Variants in CHST9 observed in about 807,000 individuals in gnomAD.
CHST9 encodes the protein GalNAc-4-sulfotransferase 2.
Under a neutral mutation model 44.4 loss-of-function variants are expected in CHST9, and 41 were observed. The ratio of observed to expected loss-of-function variants is 0.92; its 90% confidence interval spans 0.72 to 1.20. CHST9 has a LOEUF of 1.20. CHST9 is among the 50% of genes most tolerant of loss of function. The pLI, the probability that CHST9 is intolerant of heterozygous loss-of-function variation, is 0.00. For missense variants in CHST9, 504 were observed against 516.5 expected (o/e 0.98, Z 0.23); for synonymous variants, 171 against 178.4 (o/e 0.96, Z 0.33).
At chr18:26,975,225 TG>T (rs2056602636) in intron 4 of CHST9, among the ~76,000 whole-genome samples, 1 of 152,038 alleles carries the variant, frequency 6.6e-6, no homozygotes, top group African/African-American at 2.4e-5. Flanking sequence ...CCAGTGAGGG[TG>T]GGGGGAAGAG....
intron 2 of CHST9, among the ~76,000 whole-genome samples, chr18:27,131,987 T>C (rs1167034974): frequency 1.3e-5 from 2 of 152,198 alleles, no homozygotes; most frequent in East Asian, 3.8e-4. Flanking sequence ...TGTATTAATT[T>C]ATGTCTTTGC....
intron 4 of CHST9, among the ~76,000 whole-genome samples, chr18:27,011,022 A>C (rs1480807469): frequency 6.6e-6 from 1 of 152,106 alleles, no homozygotes; most frequent in Non-Finnish European, 1.5e-5. Context: ...GATATTGTAA[A>C]GGCTCCTGGT....
chr18:26,942,969 A>G (rs2056105958), intron 5 of CHST9, among the ~76,000 whole-genome samples: 1 of 152,042 alleles, frequency 6.6e-6, no homozygotes, highest in African/African-American at 2.4e-5. Context: ...TTAGTTGGGC[A>G]TGGTGGCACA....
chr18:26,924,230 G>A (rs2055720017), intron 5 of CHST9, among the ~76,000 whole-genome samples: 1 of 152,140 alleles, frequency 6.6e-6, no homozygotes, highest in Non-Finnish European at 1.5e-5. Context: ...GAAGAAAAAG[G>A]GAGTTGAGAC....
Position 26,913,462 on chromosome 18 carries a change from A to G in CHST9, c.*2797T>C, listed in dbSNP as rs1256798677. ...ACAATCACATCAATATTGCACATCT[A>G]TAGATAGTTTACAGGTTACATAACT... On this transcript the variant is annotated 3_prime_UTR_variant, in exon 6 of 6. Transcript: ENST00000618847. 6.6e-6 allele frequency: 1 copy of G among 152,184 alleles called. No homozygotes were observed. Among genetic ancestry groups the G allele is most frequent in the Non-Finnish European group, 1.5e-5 (1 of 68,036 alleles). The allele number at this position is 152,184 out of a possible 1,614,324, so 9.4% of individuals were successfully genotyped here. A position where few individuals can be genotyped will look rare whatever the true frequency, so the allele number is the denominator to read the frequency against.
intron 2 of CHST9, among the ~76,000 whole-genome samples, chr18:27,074,993 GT>G (rs998627273): frequency 1.4e-5 from 2 of 146,646 alleles, no homozygotes; most frequent in African/African-American, 5.1e-5. Context: ...TAAAGAAAAT[GT>G]TTTTCCACTA....
intron 2 of CHST9, among the ~76,000 whole-genome samples, chr18:27,058,227 A>G (rs959728019): frequency 2.5e-4 from 38 of 152,324 alleles, no homozygotes; most frequent in Non-Finnish European, 5.0e-4. Flanking sequence ...CTGAGCATTG[A>G]ACGTGTTTCT....
At chr18:27,025,551 C>A (rs575881703) in intron 3 of CHST9, among the ~76,000 whole-genome samples, 1 of 152,038 alleles carries the variant, frequency 6.6e-6, no homozygotes, top group Admixed American at 6.6e-5. Context: ...AAGCATATAT[C>A]CAAGGGCATT....
chr18:27,105,959 G>A (rs9957533), intron 2 of CHST9, among the ~76,000 whole-genome samples: 2 of 151,804 alleles, frequency 1.3e-5, no homozygotes, highest in African/African-American at 2.4e-5. Context: ...AATACATTTC[G>A]CAAATTTTTA....
In CHST9 at chr18:27,153,546, C is replaced by CTG. The variant is rs370815871; in HGVS notation, c.-96-10643_-96-10642dup. ...TGTCTTTCTCTCTCTCTCTCTCTCT[C>CTG]TGTGTGTGTGTGTGTGTGTGTATGT... On this transcript the variant is annotated intron_variant, in intron 1 of 5. Coordinates refer to ENST00000618847, the MANE Select transcript of CHST9 (RefSeq NM_031422.6). 8.6e-3 allele frequency among the ~76,000 whole-genome samples: 1,186 copies of CTG among 138,574 alleles called. 20 individuals carry two copies. The highest frequency in any genetic ancestry group is 0.029 in the African/African-American group (1,100 of 37,868). 90.9% of individuals were successfully genotyped at this position (138,574 alleles called of 152,430 possible).
chr18:27,026,257 C>T (rs1348164102), intron 3 of CHST9, among the ~76,000 whole-genome samples: 1 of 152,144 alleles, frequency 6.6e-6, no homozygotes, highest in Non-Finnish European at 1.5e-5. Context: ...TGTCCCTCCA[C>T]ACATCATGGA....
intron 2 of CHST9, among the ~76,000 whole-genome samples, chr18:27,112,578 CGTGTGTGTGT>C (rs35249332): frequency 0.069 from 9,634 of 140,490 alleles, 406 homozygotes; most frequent in South Asian, 0.14. Flanking sequence ...GGATATTCAA[CGTGTGTGTGT>C]GTGTGTGTGT....
At chr18:27,075,929 C>T (rs1355929298) in intron 2 of CHST9, among the ~76,000 whole-genome samples, 1 of 152,168 alleles carries the variant, frequency 6.6e-6, no homozygotes, top group Non-Finnish European at 1.5e-5. Context: ...CCTGTGTGAT[C>T]CCCATACCCC....
chr18:26,959,035 C>G (rs545696626), intron 4 of CHST9, among the ~76,000 whole-genome samples: 1 of 152,164 alleles, frequency 6.6e-6, no homozygotes, highest in Non-Finnish European at 1.5e-5. Context: ...CATTGCAGCA[C>G]TATTCACAAT....
intron 2 of CHST9, among the ~76,000 whole-genome samples, chr18:27,054,881 G>GTA (rs538458604): frequency 5.3e-5 from 8 of 151,664 alleles, no homozygotes; most frequent in Admixed American, 6.6e-5. Flanking sequence ...ATATATGTAG[G>GTA]TATATATATA....
intron 4 of CHST9, among the ~76,000 whole-genome samples, chr18:27,003,701 T>C (rs1346836207): frequency 6.6e-6 from 1 of 152,118 alleles, no homozygotes; most frequent in East Asian, 1.9e-4. Flanking sequence ...AAATGGTGGA[T>C]TTGGAAAAGA....
chr18:27,022,351 T>A (rs1165838478), intron 4 of CHST9, among the ~76,000 whole-genome samples: 1 of 152,168 alleles, frequency 6.6e-6, no homozygotes, highest in Non-Finnish European at 1.5e-5. Flanking sequence ...CCTTTTCTCC[T>A]GTCTCAGGAA....
chr18:27,000,699 C>A lies in CHST9; in HGVS notation c.202+23417G>T, dbSNP rs538970257. ...TTCTATCTATCCAACCATCCTTTAT[C>A]ATATACCACCATGGTAGAATATTTT... is the stretch of plus-strand genomic sequence containing the variant. On this transcript the variant is annotated intron_variant, in intron 4 of 5. Transcript: ENST00000618847. 2.0e-5 allele frequency among the ~76,000 whole-genome samples: 3 copies of A among 150,754 alleles called. No homozygotes were observed. The East Asian group carries it at 5.8e-4, about 29-fold the overall frequency.
intron 2 of CHST9, among the ~76,000 whole-genome samples, chr18:27,071,638 C>A (rs996094798): frequency 6.6e-6 from 1 of 152,150 alleles, no homozygotes; most frequent in Non-Finnish European, 1.5e-5. Flanking sequence ...AATTCAAAAA[C>A]TTTGTTGTTT....
Sources: gnomAD v4.1 joint callset for allele counts (sites outside exome capture counted in the v4.1 genomes callset) on GRCh38, gnomAD v4.1.1 for gene constraint, MANE v1.5 for transcripts, NCBI Gene and HGNC (gene_info 2026-07-23, HGNC 2026-07-21) for gene names.